Variants in ATP2B4 observed in about 807,000 individuals in gnomAD.
ATP2B4 encodes the protein ATPase plasma membrane Ca2+ transporting 4.
A neutral mutation model predicts 110.3 loss-of-function variants in ATP2B4; 39 were observed. That is an observed-to-expected ratio of 0.35 (90% CI 0.27 to 0.46). ATP2B4 has a LOEUF of 0.46. Among genes scored for constraint, ATP2B4 ranks in the 20% least tolerant of loss-of-function variants. The pLI is 1.00. For missense variants in ATP2B4, 1,135 were observed against 1,530.9 expected, an observed-to-expected ratio of 0.74 and a Z score of 4.32; for synonymous variants, 538 against 571.7, an observed-to-expected ratio of 0.94 and a Z score of 0.84.
At chr1:203,701,725 G>A (rs902706005) in intron 6 of ATP2B4, among the ~76,000 whole-genome samples, 3 of 152,164 alleles carry the variant, frequency 2.0e-5, no homozygotes, top group Non-Finnish European at 4.4e-5. Flanking sequence ...AGGCAGAAAC[G>A]GTTCAAACCT....
chr1:203,715,425 C>T lies in ATP2B4; in HGVS notation c.2406+1148C>T, dbSNP rs530662475. ...AAAATTAGCTGGGCATGATGGTAGG[C>T]GCCTGTAATCCTAGCTACTCCGGAG... On this transcript the variant is annotated intron_variant, in intron 15 of 20. Coordinates refer to ENST00000357681, the MANE Select transcript of ATP2B4 (RefSeq NM_001684.5). Among the ~76,000 whole-genome samples, 5 of 142,546 alleles carry T rather than the reference C, an allele frequency of 3.5e-5. 1 individual carries two copies. In the East Asian group the frequency reaches 6.4e-4, roughly 18 times the overall value. 93.5% of individuals were successfully genotyped at this position (142,546 alleles called of 152,430 possible). A position where few individuals can be genotyped will look rare whatever the true frequency, so the allele number is the denominator to read the frequency against.
Position 203,707,967 on chromosome 1 carries a change from C to T in ATP2B4, c.1420C>T (p.Arg474Cys), listed in dbSNP as rs1184347672. 10 of 1,614,188 alleles carry T rather than the reference C, an allele frequency of 6.2e-6. No individual in the cohort carries two copies. The highest frequency in any genetic ancestry group is 3.3e-5 in the Admixed American group (2 of 60,020). ...SDKTGTLTMN[R>C]MTVVQAYIGG... The stretch of plus-strand genomic sequence containing the variant: ...TAAGACAGGCACGTTGACCATGAAC[C>T]GCATGACTGTGGTACAAGCTTATAT... The change falls in exon 10 of 21, where the codon CGC becomes TGC. Residue 474 changes from arginine to cysteine, a missense_variant. Physicochemically the swap from Arg to Cys is radical, Grantham distance 180. Transcript: ENST00000357681.
intron 1 of ATP2B4, among the ~76,000 whole-genome samples, chr1:203,679,595 A>G (rs550977548): frequency 1.3e-5 from 2 of 152,302 alleles, no homozygotes; most frequent in African/African-American, 4.8e-5. Flanking sequence ...AAAGTAAGGA[A>G]GGAATTCTGC....
chr1:203,697,174 G>A (rs527712751), intron 2 of ATP2B4, among the ~76,000 whole-genome samples: 19 of 152,314 alleles, frequency 1.2e-4, no homozygotes, highest in Non-Finnish European at 2.1e-4. Context: ...GTGTGTATAT[G>A]TGTGTGACAG....
intron 1 of ATP2B4, among the ~76,000 whole-genome samples, chr1:203,650,634 G>T (rs1663956324): frequency 6.6e-6 from 1 of 152,200 alleles, no homozygotes; most frequent in South Asian, 2.1e-4. Context: ...GTCCGAACTC[G>T]GCCGGCCCGG....
chr1:203,694,626 C>G (rs1385552629), intron 2 of ATP2B4, among the ~76,000 whole-genome samples: 1 of 151,928 alleles, frequency 6.6e-6, no homozygotes, highest in East Asian at 1.9e-4. Flanking sequence ...CTGGGGGAGT[C>G]ATAAGGGTCC....
intron 20 of ATP2B4, among the ~76,000 whole-genome samples, chr1:203,732,961 A>G (rs1238129765): frequency 1.1e-4 from 17 of 152,194 alleles, no homozygotes; most frequent in Non-Finnish European, 1.0e-4. Flanking sequence ...CAAAGGGAAG[A>G]AAAAACTAGA....
At chr1:203,715,844 T>C (rs978308901) in intron 15 of ATP2B4, among the ~76,000 whole-genome samples, 1 of 144,466 alleles carries the variant, frequency 6.9e-6, no homozygotes, top group Non-Finnish European at 1.5e-5. Flanking sequence ...TTAACCTATC[T>C]CTTGGAGTGC....
At chr1:203,713,080 T>G in intron 13 of ATP2B4, 85 bp from the exon 14 acceptor site, 1 of 1,408,342 alleles carries the variant, frequency 7.1e-7, no homozygotes, top group South Asian at 1.2e-5. Flanking sequence ...AATCTCCCAG[T>G]GACTCCAAGT....
chr1:203,637,696 C>T (rs537602302), intron 1 of ATP2B4, among the ~76,000 whole-genome samples: 2 of 152,286 alleles, frequency 1.3e-5, no homozygotes, highest in Admixed American at 1.3e-4. Flanking sequence ...TGGCAGAGCC[C>T]TTGTTTGGAC....
intron 20 of ATP2B4, among the ~76,000 whole-genome samples, chr1:203,731,892 A>C (rs1666731078): frequency 6.8e-6 from 1 of 146,538 alleles, no homozygotes; most frequent in Non-Finnish European, 1.5e-5. Flanking sequence ...GGAAGGAAGG[A>C]AGGAAGCTGG....
rs923644490 is a variant in ATP2B4, at chr1:203,683,279, C to T, written c.74C>T (p.Thr25Ile). Residue 25 changes from threonine to isoleucine, a missense_variant, in exon 2 of 21, where the codon ACA becomes ATA. Thr to Ile is a moderately conservative substitution (Grantham distance 89). This residue lies in a region of ATP2B4 where 122 missense variants were observed against 125.2 expected (regional missense o/e 0.97). Coordinates refer to ENST00000357681, the MANE Select transcript of ATP2B4 (RefSeq NM_001684.5). Reference sequence around the variant, plus strand: ...AGCCGTGAAGGGGACTTTGGCTGCACAGTAATGGAACTGAGGAAGCTCATG... The same window carrying T: ...AGCCGTGAAGGGGACTTTGGCTGCATAGTAATGGAACTGAGGAAGCTCATG... ...AESREGDFGC[T>I]VMELRKLMEL... 7 of 1,614,012 alleles carry T rather than the reference C, an allele frequency of 4.3e-6. 1 individual carries two copies. Among genetic ancestry groups the T allele is most frequent in the South Asian group, 1.1e-5 (1 of 91,088 alleles).
chr1:203,720,466 A>C, intron 15 of ATP2B4, 83 bp from the exon 16 acceptor site: 1 of 1,378,786 alleles, frequency 7.3e-7, no homozygotes, highest in Non-Finnish European at 9.8e-7. Flanking sequence ...ATTTACACTG[A>C]CTTCGGAAGC....
chr1:203,707,984 A>G lies in ATP2B4; in HGVS notation c.1437A>G (p.Gln479=). 6.2e-7 allele frequency: 1 copy of G among 1,614,204 alleles called. No individual in the cohort carries two copies. Among genetic ancestry groups the G allele is most frequent in the Non-Finnish European group, 8.5e-7 (1 of 1,180,042 alleles). Residue 479 remains glutamine (Q), a synonymous_variant, in exon 10 of 21, where the codon CAA becomes CAG. Coordinates refer to ENST00000357681, the MANE Select transcript of ATP2B4 (RefSeq NM_001684.5). ...TLTMNRMTVV[Q]AYIGGIHYRQ... is the part of the protein sequence containing the mutation. ...CCATGAACCGCATGACTGTGGTACA[A>G]GCTTATATTGGGGGCATCCATTACC...
chr1:203,643,579 G>A (rs776525628), intron 1 of ATP2B4, among the ~76,000 whole-genome samples: 1 of 152,204 alleles, frequency 6.6e-6, no homozygotes, highest in Non-Finnish European at 1.5e-5. Context: ...GCCTTTCCTG[G>A]CTGGAAGGGG....
intron 1 of ATP2B4, among the ~76,000 whole-genome samples, chr1:203,631,955 G>A (rs542867594): frequency 1.3e-5 from 2 of 151,846 alleles, no homozygotes; most frequent in African/African-American, 4.8e-5. Flanking sequence ...CCACCACACC[G>A]GCTAATTTTT....
At chr1:203,734,820 T>C (rs1161243854) in intron 20 of ATP2B4, among the ~76,000 whole-genome samples, 2 of 151,444 alleles carry the variant, frequency 1.3e-5, no homozygotes, top group African/African-American at 4.9e-5. Flanking sequence ...CTGGCCAATA[T>C]GGTGAAACCC....
rs1367243817 is a variant in ATP2B4, at chr1:203,743,199, C to T, written c.*3345C>T. Reference sequence around the variant, plus strand: ...AAAACCCAGAGGGGCGTGGCACACTCGCTTGTGTGGAAAAGCCTCTAAATG... The same window carrying T: ...AAAACCCAGAGGGGCGTGGCACACTTGCTTGTGTGGAAAAGCCTCTAAATG... On this transcript the variant is annotated 3_prime_UTR_variant, in exon 21 of 21. Transcript: ENST00000357681. 6.6e-6 allele frequency: 1 copy of T among 152,638 alleles called. No homozygotes were observed. Among genetic ancestry groups the T allele is most frequent in the African/African-American group, 2.4e-5 (1 of 41,444 alleles). 9.5% of individuals were successfully genotyped at this position (152,638 alleles called of 1,614,324 possible). A position where few individuals can be genotyped will look rare whatever the true frequency, so the allele number is the denominator to read the frequency against.
chr1:203,721,886 C>T (rs1666347950), intron 17 of ATP2B4, among the ~76,000 whole-genome samples: 1 of 151,976 alleles, frequency 6.6e-6, no homozygotes, highest in South Asian at 2.1e-4. Flanking sequence ...TGGGCTCGAT[C>T]TCCTGACCTT....
Sources: gnomAD v4.1 joint callset for allele counts (sites outside exome capture counted in the v4.1 genomes callset) on GRCh38, gnomAD v4.1.1 for gene constraint, gnomAD v4.1.1 regional missense constraint, MANE v1.5 for transcripts, NCBI Gene and HGNC (gene_info 2026-07-23, HGNC 2026-07-21) for gene names.